The following TMEM132C variants were observed in gnomAD, a reference collection of about 807,000 sequenced individuals.
The protein encoded by TMEM132C is protein phosphatase 1, regulatory subunit 152.
TMEM132C carries 29 observed loss-of-function variants against 61.4 expected under a neutral mutation model. The observed-to-expected ratio is 0.47, with a 90% CI of 0.35 to 0.64. TMEM132C has a LOEUF of 0.64. TMEM132C is among the 30% of genes least tolerant of loss of function. The pLI, the probability that TMEM132C is intolerant of heterozygous loss-of-function variation, is 0.00. For synonymous variants in TMEM132C, 656 were observed against 633.1 expected (o/e 1.04, Z -0.54); for missense variants, 1,408 against 1,476.9 (o/e 0.95, Z 0.76).
intron 1 of TMEM132C, among the ~76,000 whole-genome samples, chr12:128,377,205 G>C (rs1314117702): frequency 1.3e-5 from 2 of 152,040 alleles, no homozygotes; most frequent in East Asian, 3.9e-4. Flanking sequence ...CAGGCATGCA[G>C]CACCACGCCC....
rs1954684197 is a variant in TMEM132C, at chr12:128,687,210, A to AG, written c.1450-6619_1450-6618insG. 2.6e-5 allele frequency among the ~76,000 whole-genome samples: 4 copies of AG among 151,412 alleles called. No individual in the cohort carries two copies. The South Asian group carries it at 8.4e-4, about 32-fold the overall frequency. ...GAGCAAGACTCTGTCTCAAAAAAAA[A>AG]AAAAAAAAGAGGAAATGTCAGAGAA... is the stretch of plus-strand genomic sequence containing the variant. On this transcript the variant is annotated intron_variant, in intron 5 of 8. Transcript: ENST00000435159.
chr12:128,498,375 TAA>T (rs11296963), intron 2 of TMEM132C, among the ~76,000 whole-genome samples: 1 of 151,430 alleles, frequency 6.6e-6, no homozygotes, highest in Non-Finnish European at 1.5e-5. Context: ...ATGTTCTATA[TAA>T]AAAAAAACCT....
In TMEM132C at chr12:128,642,498, G is replaced by A. The variant is rs1011053553; in HGVS notation, c.1305+26163G>A. Among the ~76,000 whole-genome samples, 3 of 152,166 alleles carry A rather than the reference G, an allele frequency of 2.0e-5. 1 individual carries two copies. Among genetic ancestry groups the A allele is most frequent in the Admixed American group, 1.3e-4 (2 of 15,284 alleles). ...GGGAAGTATTTGGGTCATGGGGACC[G>A]ATCCCTCATGAATGTCTTGATATCC... On this transcript the variant is annotated intron_variant, in intron 4 of 8. Transcript: ENST00000435159.
chr12:128,540,378 C>T (rs1187396672), intron 2 of TMEM132C, among the ~76,000 whole-genome samples: 1 of 152,098 alleles, frequency 6.6e-6, no homozygotes, highest in South Asian at 2.1e-4. Flanking sequence ...CTCAGCCTCC[C>T]GAGTAGCTGG....
chr12:128,367,943 C>T (rs534695597), intron 1 of TMEM132C, among the ~76,000 whole-genome samples: 45 of 152,208 alleles, frequency 3.0e-4, no homozygotes, highest in Middle Eastern at 3.4e-3. Flanking sequence ...TAGACAGTGG[C>T]GGCTGGTCTA....
intron 2 of TMEM132C, among the ~76,000 whole-genome samples, chr12:128,434,651 C>T (rs545869314): frequency 1.3e-5 from 2 of 151,004 alleles, no homozygotes; most frequent in Non-Finnish European, 2.9e-5. Context: ...CACCCAGCCT[C>T]GTGTGCAGTG....
At chr12:128,406,259 C>T (rs1875339110) in intron 1 of TMEM132C, among the ~76,000 whole-genome samples, 1 of 152,148 alleles carries the variant, frequency 6.6e-6, no homozygotes, top group South Asian at 2.1e-4. Flanking sequence ...GTGGCTTCGT[C>T]CCCCATCTGG....
chr12:128,378,247 T>TG (rs2135988401), intron 1 of TMEM132C, among the ~76,000 whole-genome samples: 1 of 152,064 alleles, frequency 6.6e-6, no homozygotes, highest in Admixed American at 6.6e-5. Flanking sequence ...CCCGAGTAGC[T>TG]GGGACTACAG....
chr12:128,549,270 G>T (rs1195856725), intron 3 of TMEM132C, among the ~76,000 whole-genome samples: 1 of 152,078 alleles, frequency 6.6e-6, no homozygotes, highest in Non-Finnish European at 1.5e-5. Context: ...ACCAAAACTG[G>T]TGTCCTGTCC....
chr12:128,499,571 A>G (rs1565954360), intron 2 of TMEM132C, among the ~76,000 whole-genome samples: 1 of 152,106 alleles, frequency 6.6e-6, no homozygotes, highest in Non-Finnish European at 1.5e-5. Flanking sequence ...GCCTCTGACA[A>G]CCATCGTTCT....
chr12:128,369,895 A>G (rs1306935118), intron 1 of TMEM132C, among the ~76,000 whole-genome samples: 1 of 152,220 alleles, frequency 6.6e-6, no homozygotes, highest in Admixed American at 6.5e-5. Flanking sequence ...AAATTAGTAT[A>G]TGCATCATGA....
chr12:128,563,429 C>A (rs567000709), intron 3 of TMEM132C, among the ~76,000 whole-genome samples: 1 of 152,256 alleles, frequency 6.6e-6, no homozygotes, highest in South Asian at 2.1e-4. Flanking sequence ...TGAGCAAGAA[C>A]CAGCACAACA....
intron 1 of TMEM132C, among the ~76,000 whole-genome samples, chr12:128,316,631 C>A (rs908588510): frequency 3.3e-5 from 5 of 152,124 alleles, no homozygotes; most frequent in African/African-American, 9.7e-5. Flanking sequence ...CTTAAAATTA[C>A]GCCTATTCAT....
chr12:128,331,287 G>A (rs1388549934), intron 1 of TMEM132C, among the ~76,000 whole-genome samples: 1 of 152,146 alleles, frequency 6.6e-6, no homozygotes, highest in Admixed American at 6.5e-5. Context: ...AAGCAATCGA[G>A]TTTTATCTAT....
chr12:128,476,324 A>G (rs1265913217), intron 2 of TMEM132C, among the ~76,000 whole-genome samples: 1 of 152,232 alleles, frequency 6.6e-6, no homozygotes, highest in Non-Finnish European at 1.5e-5. Flanking sequence ...TGCACATGGC[A>G]GTACAGAGAG....
At chr12:128,622,360 A>AAAAAATATATAT (rs1277080166) in intron 4 of TMEM132C, among the ~76,000 whole-genome samples, 3 of 30,120 alleles carry the variant, frequency 1.0e-4, no homozygotes, top group African/African-American at 4.9e-4. Context: ...AAAAAAAAAA[A>AAAAAATATATAT]ATATATATAT....
intron 1 of TMEM132C, among the ~76,000 whole-genome samples, chr12:128,295,773 T>TAAA (rs369608460): frequency 6.8e-6 from 1 of 146,600 alleles, no homozygotes; most frequent in African/African-American, 2.5e-5. Flanking sequence ...AAGCACCAAT[T>TAAA]AAAAAAAAAA....
intron 1 of TMEM132C, among the ~76,000 whole-genome samples, chr12:128,385,527 G>A (rs947495059): frequency 5.3e-5 from 8 of 152,168 alleles, no homozygotes; most frequent in South Asian, 2.1e-4. Flanking sequence ...AAATGTTTCC[G>A]TTTTCAACTG....
chr12:128,555,128 C>A (rs184318724), intron 3 of TMEM132C, among the ~76,000 whole-genome samples: 8 of 152,136 alleles, frequency 5.3e-5, no homozygotes, highest in Non-Finnish European at 8.8e-5. Context: ...GGTAATAAAA[C>A]GAGAAGGCTC....
Sources: gnomAD v4.1 joint callset for allele counts (sites outside exome capture counted in the v4.1 genomes callset) on GRCh38, gnomAD v4.1.1 for gene constraint, MANE v1.5 for transcripts, NCBI Gene and HGNC (gene_info 2026-07-23, HGNC 2026-07-21) for gene names.